The following PLEKHA7 variants were observed in gnomAD, a reference collection of about 807,000 sequenced individuals.
PLEKHA7 encodes the protein pleckstrin homology domain containing A7.
A neutral mutation model predicts 170.0 loss-of-function variants in PLEKHA7; 104 were observed. That is an observed-to-expected ratio of 0.61 (90% CI 0.52 to 0.72). The LOEUF (loss-of-function observed/expected upper bound fraction) is 0.72, where lower values mean the gene tolerates loss of function less well. PLEKHA7 is among the 30% of genes least tolerant of loss of function. The probability of loss-of-function intolerance (pLI) is 0.00; values close to 1 mark genes in which losing one functional copy is unlikely to be tolerated. For synonymous variants in PLEKHA7, 648 were observed against 660.8 expected (o/e 0.98, Z 0.30); for missense variants, 1,615 against 1,671.7 (o/e 0.97, Z 0.59).
intron 3 of PLEKHA7, among the ~76,000 whole-genome samples, chr11:16,996,379 A>G (rs1043641765): frequency 6.6e-6 from 1 of 152,166 alleles, no homozygotes; most frequent in South Asian, 2.1e-4. Flanking sequence ...GTAGACTCTC[A>G]GGGGGGTGGT....
rs113340886 is a variant in PLEKHA7, at chr11:16,891,572, T to C, written c.222-20390A>G. On this transcript the variant is annotated intron_variant, in intron 3 of 26. Transcript: ENST00000531066. The stretch of plus-strand genomic sequence containing the variant: ...ACAGAATCTGTATTAGTTTAGTGGC[T>C]TTGATTTACTACAAATCCAATTAGT... 1.9e-3 allele frequency among the ~76,000 whole-genome samples: 287 copies of C among 152,356 alleles called. 3 individuals carry two copies. The highest frequency in any genetic ancestry group is 6.5e-3 in the African/African-American group (270 of 41,588).
At chr11:16,994,615 A>G (rs1864235971) in intron 3 of PLEKHA7, among the ~76,000 whole-genome samples, 1 of 152,084 alleles carries the variant, frequency 6.6e-6, no homozygotes, top group Non-Finnish European at 1.5e-5. Flanking sequence ...CCCTCCCTGG[A>G]TCCTCTGAGA....
intron 3 of PLEKHA7, among the ~76,000 whole-genome samples, chr11:16,987,543 A>G (rs545379121): frequency 3.3e-5 from 5 of 152,098 alleles, no homozygotes; most frequent in Admixed American, 2.0e-4. Context: ...TGCTTACCCT[A>G]TCCCTGCTAG....
intron 13 of PLEKHA7, among the ~76,000 whole-genome samples, chr11:16,809,516 G>A (rs929581065): frequency 6.6e-6 from 1 of 152,174 alleles, no homozygotes; most frequent in South Asian, 2.1e-4. Flanking sequence ...GGTCCCAGAG[G>A]GGCTGTGCTT....
intron 3 of PLEKHA7, among the ~76,000 whole-genome samples, chr11:16,983,879 C>T (rs1863580912): frequency 6.6e-6 from 1 of 151,988 alleles, no homozygotes; most frequent in African/African-American, 2.4e-5. Context: ...ATAATATTAC[C>T]CCAGCTTGGG....
intron 3 of PLEKHA7, among the ~76,000 whole-genome samples, chr11:16,947,338 C>A (rs1400991866): frequency 6.6e-6 from 1 of 152,046 alleles, no homozygotes; most frequent in Non-Finnish European, 1.5e-5. Flanking sequence ...CACCTGCAAT[C>A]CTCATACTTT....
chr11:16,910,622 A>C (rs1296427495), intron 3 of PLEKHA7, among the ~76,000 whole-genome samples: 1 of 152,206 alleles, frequency 6.6e-6, no homozygotes, highest in Admixed American at 6.5e-5. Context: ...CCCCCAGGGG[A>C]CATTTGATAA....
intron 3 of PLEKHA7, among the ~76,000 whole-genome samples, chr11:16,997,601 C>G (rs560313346): frequency 6.6e-6 from 1 of 152,308 alleles, no homozygotes; most frequent in African/African-American, 2.4e-5. Flanking sequence ...GACCCCAAAG[C>G]CTGCCTCAGC....
chr11:16,802,643 G>A (rs780597464), intron 15 of PLEKHA7, among the ~76,000 whole-genome samples: 19 of 152,040 alleles, frequency 1.2e-4, no homozygotes, highest in Non-Finnish European at 2.6e-4. Context: ...TGCCTCCCGG[G>A]TTCAAGCAAT....
At chr11:16,912,138 T>C (rs972563864) in intron 3 of PLEKHA7, among the ~76,000 whole-genome samples, 4 of 152,198 alleles carry the variant, frequency 2.6e-5, no homozygotes, top group Admixed American at 6.5e-5. Flanking sequence ...AAACTGCTGA[T>C]AGGGTATGGC....
At chr11:16,859,831 A>G (rs1326607645) in intron 4 of PLEKHA7, among the ~76,000 whole-genome samples, 1 of 152,268 alleles carries the variant, frequency 6.6e-6, no homozygotes, top group Non-Finnish European at 1.5e-5. Flanking sequence ...CCTCAGGCAC[A>G]CTGCGTCACG....
intron 3 of PLEKHA7, among the ~76,000 whole-genome samples, chr11:16,909,345 C>A (rs1289298712): frequency 6.6e-6 from 1 of 152,166 alleles, no homozygotes; most frequent in Non-Finnish European, 1.5e-5. Context: ...ATTGCCTTTC[C>A]CCTCAAGATA....
At position 16,817,997 on chromosome 11, in the gene PLEKHA7, C is replaced by G. The variant is rs1049578282; in HGVS notation, c.1344-675G>C. Among the ~76,000 whole-genome samples, 2 of 152,196 alleles carry G rather than the reference C, an allele frequency of 1.3e-5. No individual in the cohort carries two copies. The highest frequency in any genetic ancestry group is 2.9e-5 in the Non-Finnish European group (2 of 68,028). On this transcript the variant is annotated intron_variant, in intron 10 of 26. Transcript: ENST00000531066. The surrounding 1 kb of genome is among the most constrained non-coding windows in gnomAD (Gnocchi z 4.4). The stretch of plus-strand genomic sequence containing the variant: ...ACCTTGCAGGCCTGCTGTTTTCTCA[C>G]TGCTCTTCCTACGGGCCACGCCAAA...
intron 9 of PLEKHA7, 51 bp from the exon 10 acceptor site, chr11:16,826,641 T>C (rs766920994): frequency 6.7e-7 from 1 of 1,485,710 alleles, no homozygotes; most frequent in Non-Finnish European, 9.2e-7. Flanking sequence ...GACTCCATGA[T>C]GAAATGCACT....
Position 16,817,253 on chromosome 11 carries a change from C to G in PLEKHA7, c.1413G>C (p.Gln471His). The stretch of plus-strand genomic sequence containing the variant: ...GGTGTCGGGTGCTCTTGGGAAGAGT[C>G]TGGTAGTTTTCTGGGAAGGACAGGG... ...GQSLSFPENY[Q>H]TLPKSTRHPS... Residue 471 changes from glutamine (Q) to histidine (H), a missense_variant, in exon 11 of 27, where the codon CAG (glutamine) becomes CAC (histidine). Transcript: ENST00000531066. This position sits in a 1 kb window ranked among gnomAD's most constrained non-coding sequence, Gnocchi z 4.4. The G allele has an allele frequency of 6.2e-7, 1 of 1,613,792 alleles. No homozygotes were observed. The highest frequency in any genetic ancestry group is 8.5e-7 in the Non-Finnish European group (1 of 1,180,016).
At chr11:16,783,651 C>T in intron 25 of PLEKHA7, 49 bp downstream of exon 25, 1 of 1,350,434 alleles carries the variant, frequency 7.4e-7, no homozygotes, top group South Asian at 1.8e-5. Flanking sequence ...GTAGAGACGC[C>T]ACCTGGGGTC....
chr11:16,907,105 G>T, intron 3 of PLEKHA7, among the ~76,000 whole-genome samples: 1 of 133,840 alleles, frequency 7.5e-6, no homozygotes, highest in Admixed American at 7.2e-5. Context: ...CCCTGTCTGG[G>T]AGGGAGGTGG....
intron 9 of PLEKHA7, among the ~76,000 whole-genome samples, chr11:16,828,271 A>G (rs1409299706): frequency 6.6e-6 from 1 of 152,176 alleles, no homozygotes; most frequent in Non-Finnish European, 1.5e-5. Context: ...TTCTCCTGAC[A>G]GTGGGTGCGT....
In PLEKHA7 at chr11:17,014,337, TC is replaced by T; in HGVS notation, c.64del (p.Asp22MetfsTer30). ...GCACTTGATGAAGAAGACGCGGCCA[TC>T]CCGGCACACCCCGTAGGACCAATGC... ...PEHWSYGVCR[D>X]GRVFFINDQL... On this transcript the variant is annotated frameshift_variant, in exon 1 of 27. Coordinates refer to ENST00000531066, the MANE Select transcript of PLEKHA7 (RefSeq NM_001329630.2). LOFTEE classifies it high-confidence loss of function. 1 of 1,419,284 alleles carries T rather than the reference TC, an allele frequency of 7.0e-7. No individual in the cohort carries two copies. The highest frequency in any genetic ancestry group is 2.6e-5 in the Admixed American group (1 of 38,690). The allele number at this position is 1,419,284 out of a possible 1,614,324, so 87.9% of individuals were successfully genotyped here. A position where few individuals can be genotyped will look rare whatever the true frequency, so the allele number is the denominator to read the frequency against.
Sources: allele counts gnomAD v4.1 joint callset (sites outside exome capture counted in the v4.1 genomes callset), GRCh38; gene constraint gnomAD v4.1.1; non-coding constraint Gnocchi (gnomAD v3.1); transcripts MANE v1.5; gene names NCBI Gene and HGNC (gene_info 2026-07-23, HGNC 2026-07-21).